Variants in SNAP91 observed in about 807,000 individuals in gnomAD.
SNAP91 encodes the protein clathrin coat assembly protein AP180.
In SNAP91, 27 loss-of-function variants were observed where a neutral mutation model predicts 100.3. That is an observed-to-expected ratio of 0.27 (90% CI 0.20 to 0.37). The LOEUF (loss-of-function observed/expected upper bound fraction) is 0.37, where lower values mean the gene tolerates loss of function less well. Ranked by LOEUF, SNAP91 falls within the 10% of genes least tolerant of loss-of-function variation. The pLI is 1.00. For missense variants in SNAP91, 986 were observed against 1,123.7 expected, an observed-to-expected ratio of 0.88 and a Z score of 1.75; for synonymous variants, 404 against 398.6, an observed-to-expected ratio of 1.01 and a Z score of -0.16.
chr6:83,679,741 G>A (rs756884293), intron 2 of SNAP91, among the ~76,000 whole-genome samples: 24 of 152,100 alleles, frequency 1.6e-4, no homozygotes, highest in Non-Finnish European at 2.9e-4. Flanking sequence ...CTGTAACAAC[G>A]ATTAGTTTCT....
At chr6:83,701,629 A>G (rs955364765) in intron 2 of SNAP91, among the ~76,000 whole-genome samples, 1 of 152,000 alleles carries the variant, frequency 6.6e-6, no homozygotes, top group Non-Finnish European at 1.5e-5. Context: ...TTGTATTTTT[A>G]GTAGAGACGG....
chr6:83,594,420 A>T lies in SNAP91; in HGVS notation c.1386T>A (p.Ala462=). 6.4e-7 allele frequency: 1 copy of T among 1,553,248 alleles called. No homozygotes were observed. Among genetic ancestry groups the T allele is most frequent in the African/African-American group, 1.4e-5 (1 of 73,266 alleles). The change falls in exon 17 of 30, where the codon GCT becomes GCA. Residue 462 remains alanine, a synonymous_variant. Transcript: ENST00000369694. ...PAASEGAAAP[A]TPTPVAAALD... is the part of the protein sequence containing the mutation. ...GTGCTGCTGCTACAGGGGTTGGGGTAGCTGGTGCGGCGGCCCCTTCGGATG... is the reference window on the plus strand; with the variant it reads ...GTGCTGCTGCTACAGGGGTTGGGGTTGCTGGTGCGGCGGCCCCTTCGGATG...
chr6:83,675,443 A>C (rs1255460546), intron 2 of SNAP91, among the ~76,000 whole-genome samples: 1 of 152,176 alleles, frequency 6.6e-6, no homozygotes, highest in Non-Finnish European at 1.5e-5. Flanking sequence ...ACTTTAACGT[A>C]ATCTAGTTTC....
chr6:83,705,642 TA>T (rs957124103), intron 2 of SNAP91, among the ~76,000 whole-genome samples: 3 of 151,508 alleles, frequency 2.0e-5, no homozygotes, highest in East Asian at 1.9e-4. Flanking sequence ...CCATCTCTAC[TA>T]AAAAAAATAC....
intron 7 of SNAP91, 36 bp from the exon 8 acceptor site, chr6:83,641,238 G>A (rs2097688386): frequency 1.1e-6 from 1 of 935,204 alleles, no homozygotes; most frequent in Non-Finnish European, 1.6e-6. Context: ...TTTGAAAAGA[G>A]TATTATGTTC....
At chr6:83,662,662 T>C (rs755399472) in intron 3 of SNAP91, among the ~76,000 whole-genome samples, 3 of 152,136 alleles carry the variant, frequency 2.0e-5, no homozygotes, top group Non-Finnish European at 2.9e-5. Flanking sequence ...TAGGATTCAG[T>C]AGGCATCCTA....
At chr6:83,658,068 C>T (rs778821247) in intron 6 of SNAP91, among the ~76,000 whole-genome samples, 4 of 151,970 alleles carry the variant, frequency 2.6e-5, no homozygotes, top group Non-Finnish European at 4.4e-5. Context: ...AGGCGTGAGC[C>T]ATGCCCAGCC....
In SNAP91 at chr6:83,601,205, A is replaced by G. The variant is rs572807264; in HGVS notation, c.1324+66T>C. ...TGTTACATAACGGAAAAAATTTTAA[A>G]GACCTTAACTCCCAAGTAATTTTAG... is the stretch of plus-strand genomic sequence containing the variant. On this transcript the variant is annotated intron_variant, in intron 16 of 29. Coordinates refer to ENST00000369694, the MANE Select transcript of SNAP91 (RefSeq NM_001242792.2). 1.6e-4 allele frequency: 252 copies of G among 1,529,888 alleles called. 1 individual carries two copies. The African/African-American group carries it at 2.5e-3, about 15-fold the overall frequency. The allele number at this position is 1,529,888 out of a possible 1,614,324, so 94.8% of individuals were successfully genotyped here.
intron 8 of SNAP91, among the ~76,000 whole-genome samples, chr6:83,629,764 T>C (rs1340053711): frequency 4.6e-5 from 7 of 152,028 alleles, no homozygotes; most frequent in African/African-American, 1.7e-4. Flanking sequence ...GAGGAGTCTT[T>C]AGGGTTTTTT....
intron 2 of SNAP91, among the ~76,000 whole-genome samples, chr6:83,684,567 A>G (rs372774986): frequency 6.6e-6 from 1 of 152,106 alleles, no homozygotes; most frequent in African/African-American, 2.4e-5. Flanking sequence ...CTCTGTATAC[A>G]CCTTTATAGC....
Position 83,594,473 on chromosome 6 carries a change from C to A in SNAP91, c.1333G>T (p.Ala445Ser). Residue 445 changes from alanine to serine, a missense_variant, in exon 17 of 30, where the codon GCA becomes TCA. Physicochemically the swap from Ala to Ser is moderately conservative, Grantham distance 99 (BLOSUM62 1). Coordinates refer to ENST00000369694, the MANE Select transcript of SNAP91 (RefSeq NM_001242792.2). ...GCAGGGGCCTCCCCAGGAGAAGCTG[C>A]AAAGGCATCTTGGGTGCGGTTTTTA... is the stretch of plus-strand genomic sequence containing the variant. ...AEVDLFGDAF[A>S]ASPGEAPAAS... is the part of the protein sequence containing the mutation. 1 of 1,514,042 alleles carries A rather than the reference C, an allele frequency of 6.6e-7. No individual in the cohort carries two copies. Among genetic ancestry groups the A allele is most frequent in the Non-Finnish European group, 8.8e-7 (1 of 1,134,532 alleles). The allele number at this position is 1,514,042 out of a possible 1,614,324, so 93.8% of individuals were successfully genotyped here. A position where few individuals can be genotyped will look rare whatever the true frequency, so the allele number is the denominator to read the frequency against.
At chr6:83,634,538 T>C (rs1357548644) in intron 8 of SNAP91, among the ~76,000 whole-genome samples, 2 of 152,142 alleles carry the variant, frequency 1.3e-5, no homozygotes, top group Admixed American at 6.6e-5. Flanking sequence ...GGAGCAAAAA[T>C]TCACAATGCG....
intron 8 of SNAP91, among the ~76,000 whole-genome samples, chr6:83,624,991 C>T (rs1364140752): frequency 6.6e-6 from 1 of 151,972 alleles, no homozygotes; most frequent in Non-Finnish European, 1.5e-5. Flanking sequence ...TGCTGTTACC[C>T]AGATAGTGAA....
chr6:83,582,350 C>T lies in SNAP91; in HGVS notation c.2021G>A (p.Gly674Glu). The T allele has an allele frequency of 6.2e-7, 1 of 1,611,054 alleles. No individual in the cohort carries two copies. The highest frequency in any genetic ancestry group is 8.5e-7 in the Non-Finnish European group (1 of 1,178,548). ...SASADLLAGF[G>E]GSFMAPSPSP... ...TGGGGAAGGCGCCATGAAAGAACCC[C>T]CAAATCCTGAAAAAAAGTTCCAAAA... The change falls in exon 23 of 30, where the codon GGG becomes GAG. Residue 674 changes from glycine to glutamate, a missense_variant. This residue lies in a region of SNAP91 where 575 missense variants were observed against 579.9 expected (regional missense o/e 0.99). Transcript: ENST00000369694.
chr6:83,576,906 C>T (rs527510478), intron 24 of SNAP91, among the ~76,000 whole-genome samples: 29 of 152,180 alleles, frequency 1.9e-4, no homozygotes, highest in African/African-American at 6.7e-4. Context: ...TTTAGGCACC[C>T]GGAACATATT....
At chr6:83,707,774 C>T in intron 2 of SNAP91, 24 bp downstream of exon 2, 2 of 1,611,414 alleles carry the variant, frequency 1.2e-6, no homozygotes, top group South Asian at 2.2e-5. Context: ...TGCGCATGTC[C>T]CTCTTATATA....
At chr6:83,582,886 C>T (rs192137054) in intron 22 of SNAP91, among the ~76,000 whole-genome samples, 13 of 152,306 alleles carry the variant, frequency 8.5e-5, no homozygotes, top group Admixed American at 2.0e-4. Flanking sequence ...TGAACAGTCA[C>T]GGAGTGGGAT....
intron 2 of SNAP91, among the ~76,000 whole-genome samples, chr6:83,671,747 A>G (rs768911522): frequency 6.6e-6 from 1 of 152,116 alleles, no homozygotes; most frequent in Non-Finnish European, 1.5e-5. Context: ...GTTCACTAAA[A>G]CAAGAAAATA....
At chr6:83,555,830 G>T (rs1562066044) in intron 29 of SNAP91, among the ~76,000 whole-genome samples, 1 of 152,080 alleles carries the variant, frequency 6.6e-6, no homozygotes, top group Non-Finnish European at 1.5e-5. Flanking sequence ...ATAAATTCAA[G>T]TCATCATGTA....
Sources: gnomAD v4.1 joint callset for allele counts (sites outside exome capture counted in the v4.1 genomes callset) on GRCh38, gnomAD v4.1.1 for gene constraint, gnomAD v4.1.1 regional missense constraint, MANE v1.5 for transcripts, NCBI Gene and HGNC (gene_info 2026-07-23, HGNC 2026-07-21) for gene names.